Variants in ZNF143 observed in about 807,000 individuals in gnomAD.
ZNF143 encodes the protein zinc finger protein 143, also known as SPH-binding factor.
A neutral mutation model predicts 74.1 loss-of-function variants in ZNF143; 49 were observed. The ratio of observed to expected loss-of-function variants is 0.66; its 90% CI spans 0.53 to 0.84. The LOEUF (loss-of-function observed/expected upper bound fraction) is 0.84. Among genes scored for constraint, ZNF143 ranks in the 40% least tolerant of loss-of-function variants. The pLI is 0.00. For missense variants in ZNF143, 637 were observed against 793.4 expected (o/e 0.80, Z 2.37); for synonymous variants, 304 against 282.8 (o/e 1.07, Z -0.75).
At chr11:9,500,693 A>G (rs921072971) in intron 10 of ZNF143, among the ~76,000 whole-genome samples, 1 of 152,208 alleles carries the variant, frequency 6.6e-6, no homozygotes, top group East Asian at 1.9e-4. Context: ...ATTTTCCTGC[A>G]AGATATTGTA....
chr11:9,523,780 G>C (rs1476028690), intron 14 of ZNF143, among the ~76,000 whole-genome samples: 2 of 151,750 alleles, frequency 1.3e-5, no homozygotes, highest in Non-Finnish European at 2.9e-5. Context: ...GGGCGCGGGG[G>C]CTCACGTCTG....
intron 10 of ZNF143, among the ~76,000 whole-genome samples, chr11:9,499,654 A>T (rs1167806044): frequency 6.6e-6 from 1 of 152,174 alleles, no homozygotes; most frequent in African/African-American, 2.4e-5. Flanking sequence ...GCAGTGTGCA[A>T]CCATCGTGCC....
In ZNF143 at chr11:9,474,640, T is replaced by C. The variant is rs1284036945; in HGVS notation, c.373+7T>C. ...ATTCACCACACCTCCAAAGGTAAAA[T>C]AACTTTGAAAGTATGAATAAAATAA... On this transcript the variant is annotated splice_region_variant and intron_variant, in intron 5 of 15. Coordinates refer to ENST00000396602, the MANE Select transcript of ZNF143 (RefSeq NM_003442.6). 1 of 1,613,646 alleles carries C rather than the reference T, an allele frequency of 6.2e-7. No homozygotes were observed. Among genetic ancestry groups the C allele is most frequent in the Non-Finnish European group, 8.5e-7 (1 of 1,179,606 alleles).
At chr11:9,511,035 A>C (rs1162552148) in intron 12 of ZNF143, among the ~76,000 whole-genome samples, 1 of 151,958 alleles carries the variant, frequency 6.6e-6, no homozygotes, top group African/African-American at 2.4e-5. Context: ...GTGTGTTTGC[A>C]AACCATTCTG....
chr11:9,492,001 A>G (rs756489954), intron 7 of ZNF143, among the ~76,000 whole-genome samples: 14 of 151,910 alleles, frequency 9.2e-5, no homozygotes, highest in Non-Finnish European at 1.3e-4. Flanking sequence ...CTGGAGTGCA[A>G]TGGCACAATC....
chr11:9,525,946 A>G (rs1419619768), intron 15 of ZNF143, among the ~76,000 whole-genome samples: 1 of 152,154 alleles, frequency 6.6e-6, no homozygotes, highest in Non-Finnish European at 1.5e-5. Flanking sequence ...ATTAGAGACC[A>G]GCCTGGGCAA....
At chr11:9,507,698 A>G (rs574817053) in intron 11 of ZNF143, among the ~76,000 whole-genome samples, 19 of 152,320 alleles carry the variant, frequency 1.2e-4, no homozygotes, top group South Asian at 2.1e-4. Flanking sequence ...TTAGGTCCCT[A>G]CACCACCACA....
Position 9,527,598 on chromosome 11 carries a change from A to G in ZNF143, c.1902A>G (p.Pro634=). The part of the protein sequence containing the change: ...IASRIQQGET[P]GLDD ...CTAGAATCCAACAAGGAGAAACGCC[A>G]GGGTTGGATGATTAATCCTCAGAAC... The change falls in exon 16 of 16, where the codon CCA becomes CCG. Residue 634 remains proline (P), a synonymous_variant. Transcript: ENST00000396602. 7 of 1,614,082 alleles carry G rather than the reference A, an allele frequency of 4.3e-6. No individual in the cohort carries two copies. Among genetic ancestry groups the G allele is most frequent in the African/African-American group, 1.3e-5 (1 of 75,070 alleles).
chr11:9,476,133 A>G (rs1294538972), intron 5 of ZNF143, among the ~76,000 whole-genome samples: 4 of 152,012 alleles, frequency 2.6e-5, no homozygotes, highest in East Asian at 1.9e-4. Flanking sequence ...CTGCAACCAG[A>G]CTATGTATAT....
chr11:9,525,405 T>G lies in ZNF143; in HGVS notation c.1833+19T>G. ...AGTTCAGGTGAGTACCAAGGCATAC[T>G]GTCCTCAGTCGACAGCAGTGCTGCT... is the stretch of plus-strand genomic sequence containing the variant. On this transcript the variant is annotated intron_variant, in intron 15 of 15. Transcript: ENST00000396602. 6.2e-7 allele frequency: 1 copy of G among 1,613,976 alleles called. No homozygotes were observed. The highest frequency in any genetic ancestry group is 8.5e-7 in the Non-Finnish European group (1 of 1,179,912).
chr11:9,512,549 G>C lies in ZNF143; in HGVS notation c.1477G>C (p.Gly493Arg). 6.2e-7 allele frequency: 1 copy of C among 1,614,192 alleles called. No individual in the cohort carries two copies. The highest frequency in any genetic ancestry group is 8.5e-7 in the Non-Finnish European group (1 of 1,180,036). The change falls in exon 13 of 16, where the codon GGA becomes CGA. Residue 493 changes from glycine to arginine, a missense_variant. Physicochemically the swap from Gly to Arg is moderately radical, Grantham distance 125. Transcript: ENST00000396602. ...STQVATVTQS[G>R]LSQQVTLISQ... ...ACAAGTAGCCACAGTAACCCAATCT[G>C]GACTGAGTCAACAAGTTACACTCAT...
At chr11:9,507,364 C>T (rs1287807218) in intron 11 of ZNF143, among the ~76,000 whole-genome samples, 3 of 152,116 alleles carry the variant, frequency 2.0e-5, no homozygotes, top group Non-Finnish European at 4.4e-5. Flanking sequence ...TATTTGTATT[C>T]TCCTTTTTCC....
At chr11:9,494,070 G>T (rs761267477) in intron 7 of ZNF143, among the ~76,000 whole-genome samples, 1 of 152,136 alleles carries the variant, frequency 6.6e-6, no homozygotes. Context: ...TGCTACTTAG[G>T]TTGTTTTTCT....
chr11:9,491,789 A>G (rs905871049), intron 7 of ZNF143, among the ~76,000 whole-genome samples: 2 of 152,000 alleles, frequency 1.3e-5, no homozygotes, highest in Non-Finnish European at 2.9e-5. Context: ...GCCACCATGC[A>G]CAGCTGATGT....
At chr11:9,510,133 T>G (rs535512094) in intron 12 of ZNF143, among the ~76,000 whole-genome samples, 1 of 151,612 alleles carries the variant, frequency 6.6e-6, no homozygotes. Flanking sequence ...TTTTTTTTTT[T>G]TTTATTTTTG....
chr11:9,478,308 C>G (rs1847098291), intron 5 of ZNF143, 82 bp from the exon 6 acceptor site: 1 of 1,440,048 alleles, frequency 6.9e-7, no homozygotes, highest in Non-Finnish European at 9.5e-7. Context: ...TCAATAAAAG[C>G]TCATTTCTCT....
At position 9,508,831 on chromosome 11, in the gene ZNF143, T is replaced by C; in HGVS notation, c.1360T>C (p.Phe454Leu). The C allele has an allele frequency of 6.3e-7, 1 of 1,589,774 alleles. No individual in the cohort carries two copies. The highest frequency in any genetic ancestry group is 8.6e-7 in the Non-Finnish European group (1 of 1,167,258). ...CATCGAGGAGGAGCAGGAAGCCTTC[T>C]TTGAGCCGCCCCCAGGTGAGAGTTT... ...EPIEEEQEAF[F>L]EPPPGQGEDV... is the part of the protein sequence containing the mutation. Residue 454 changes from phenylalanine (F) to leucine (L), a missense_variant, in exon 12 of 16, where the codon TTT becomes CTT. This residue lies in a region of ZNF143 where 344 missense variants were observed against 485.6 expected (regional missense o/e 0.71). Transcript: ENST00000396602.
At chr11:9,484,829 G>C (rs568246091) in intron 7 of ZNF143, among the ~76,000 whole-genome samples, 20 of 27,024 alleles carry the variant, frequency 7.4e-4, no homozygotes, top group Admixed American at 4.7e-3. Flanking sequence ...ACGGAGTCTA[G>C]CTCTGTCGCC....
chr11:9,493,464 G>A (rs1239678050), intron 7 of ZNF143, among the ~76,000 whole-genome samples: 1 of 152,138 alleles, frequency 6.6e-6, no homozygotes, highest in East Asian at 1.9e-4. Flanking sequence ...GTATGGGGAT[G>A]ACAAAATAAA....
Sources: gnomAD v4.1 joint callset for allele counts (sites outside exome capture counted in the v4.1 genomes callset) on GRCh38, gnomAD v4.1.1 for gene constraint, gnomAD v4.1.1 regional missense constraint, MANE v1.5 for transcripts, NCBI Gene and HGNC (gene_info 2026-07-23, HGNC 2026-07-21) for gene names.